CENPW: variants seen among roughly 807,000 people sequenced by gnomAD.
The protein encoded by CENPW is cancer-up-regulated gene 2 protein.
Under a neutral mutation model 11.1 loss-of-function variants are expected in CENPW, and 3 were observed. The observed-to-expected ratio is 0.27, with a 90% CI of 0.12 to 0.70. The LOEUF is 0.70. CENPW is among the 30% of genes least tolerant of loss of function. CENPW has a pLI of 0.77. For synonymous variants in CENPW, 38 were observed against 42.0 expected (o/e 0.91, Z 0.37); for missense variants, 100 against 105.6 (o/e 0.95, Z 0.23).
At chr6:126,390,704 A>G in the CENPW span, among the ~76,000 whole-genome samples, 3 of 151,926 alleles carry the variant, frequency 2.0e-5, no homozygotes, top group Admixed American at 6.6e-5. Flanking sequence ...GCTCCCACAA[A>G]TAAGTGAGAA....
intron 1 of CENPW, among the ~76,000 whole-genome samples, chr6:126,344,802 A>T (rs556089791): frequency 9.8e-5 from 15 of 152,364 alleles, no homozygotes; most frequent in African/African-American, 3.6e-4. Flanking sequence ...TCTGCATTAT[A>T]TAAAGCATTA....
chr6:126,430,989 G>A, the CENPW span, among the ~76,000 whole-genome samples: 1 of 152,022 alleles, frequency 6.6e-6, no homozygotes, highest in Non-Finnish European at 1.5e-5. Context: ...ACTAGTGAAT[G>A]TTTTATAAAA....
At chr6:126,430,868 C>T in the CENPW span, among the ~76,000 whole-genome samples, 2 of 151,456 alleles carry the variant, frequency 1.3e-5, no homozygotes, top group African/African-American at 4.9e-5. Flanking sequence ...TGCAGTGAGC[C>T]GAGATGGCGC....
At chr6:126,345,037 G>A (rs1403309891) in intron 1 of CENPW, among the ~76,000 whole-genome samples, 1 of 152,022 alleles carries the variant, frequency 6.6e-6, no homozygotes, top group Non-Finnish European at 1.5e-5. Context: ...GGGAAGATAT[G>A]TGCAATAATA....
chr6:126,429,651 A>C, the CENPW span, among the ~76,000 whole-genome samples: 2 of 152,136 alleles, frequency 1.3e-5, no homozygotes, highest in African/African-American at 4.8e-5. Flanking sequence ...TTTCTTTATA[A>C]ATTACCCAGT....
the CENPW span, among the ~76,000 whole-genome samples, chr6:126,385,200 G>A: frequency 2.0e-5 from 3 of 152,206 alleles, no homozygotes; most frequent in South Asian, 6.2e-4. Flanking sequence ...CAGTGTGGCA[G>A]TTCCTCAAAG....
chr6:126,401,722 G>T, the CENPW span, among the ~76,000 whole-genome samples: 1 of 151,946 alleles, frequency 6.6e-6, no homozygotes, highest in Admixed American at 6.6e-5. Flanking sequence ...TGTAGCAGAT[G>T]CTGAATCCGT....
At chr6:126,457,396 ATCACG>A in the CENPW span, among the ~76,000 whole-genome samples, 1 of 151,450 alleles carries the variant, frequency 6.6e-6, no homozygotes, top group Admixed American at 6.6e-5. Flanking sequence ...AATGAACGAG[ATCACG>A]TCTTTGCAGC....
the CENPW span, among the ~76,000 whole-genome samples, chr6:126,476,510 C>T: frequency 6.6e-6 from 1 of 151,720 alleles, no homozygotes; most frequent in Non-Finnish European, 1.5e-5. Context: ...TAAAGTTAAA[C>T]CTGCAATGAA....
At chr6:126,342,612 A>AT (rs1161703886) in intron 1 of CENPW, among the ~76,000 whole-genome samples, 2 of 151,732 alleles carry the variant, frequency 1.3e-5, no homozygotes, top group Non-Finnish European at 2.9e-5. Flanking sequence ...GCAACCTACA[A>AT]TTTTTTCAAA....
the CENPW span, among the ~76,000 whole-genome samples, chr6:126,462,848 T>TG: frequency 2.6e-5 from 4 of 152,184 alleles, no homozygotes; most frequent in Non-Finnish European, 4.4e-5. Context: ...CTGGATTAAC[T>TG]GGCTGATGTG....
chr6:126,460,802 T>C, the CENPW span, among the ~76,000 whole-genome samples: 2 of 151,678 alleles, frequency 1.3e-5, no homozygotes, highest in African/African-American at 4.8e-5. Flanking sequence ...GTCTGTAAAC[T>C]AAGTTAGCAA....
chr6:126,464,687 G>A, the CENPW span, among the ~76,000 whole-genome samples: 6 of 152,272 alleles, frequency 3.9e-5, no homozygotes, highest in South Asian at 1.2e-3. Flanking sequence ...AGGCTGCACT[G>A]TGTGCTTCCC....
At chr6:126,458,429 A>G in the CENPW span, among the ~76,000 whole-genome samples, 1 of 151,318 alleles carries the variant, frequency 6.6e-6, no homozygotes, top group African/African-American at 2.4e-5. Context: ...ATTCAACTTT[A>G]TAATTTACTG....
At chr6:126,379,012 G>A in the CENPW span, among the ~76,000 whole-genome samples, 2 of 152,116 alleles carry the variant, frequency 1.3e-5, no homozygotes, top group East Asian at 3.9e-4. Flanking sequence ...ATATTTTTGG[G>A]TAGATAATTG....
At chr6:126,466,924 G>A in the CENPW span, among the ~76,000 whole-genome samples, 1 of 151,960 alleles carries the variant, frequency 6.6e-6, no homozygotes, top group African/African-American at 2.4e-5. Flanking sequence ...AGGAATAGGG[G>A]AAAAACAGCT....
the CENPW span, among the ~76,000 whole-genome samples, chr6:126,443,793 C>T: frequency 2.0e-5 from 3 of 151,004 alleles, no homozygotes; most frequent in Non-Finnish European, 4.5e-5. Context: ...TATATGTGAT[C>T]CTTATTGCCC....
At chr6:126,353,890 G>C in the CENPW span, among the ~76,000 whole-genome samples, 1 of 151,858 alleles carries the variant, frequency 6.6e-6, no homozygotes, top group Admixed American at 6.6e-5. Flanking sequence ...CTACATTTCA[G>C]ATCATGTGTA....
At chr6:126,442,029 C>G in the CENPW span, among the ~76,000 whole-genome samples, 1 of 151,626 alleles carries the variant, frequency 6.6e-6, no homozygotes, top group African/African-American at 2.4e-5. Flanking sequence ...AATCTCCACA[C>G]TGTTTTCCAC....
Sources: allele counts gnomAD v4.1 joint callset (sites outside exome capture counted in the v4.1 genomes callset), GRCh38; gene constraint gnomAD v4.1.1; transcripts MANE v1.5; gene names NCBI Gene and HGNC (gene_info 2026-07-23, HGNC 2026-07-21).